The following TLE4 variants were observed in gnomAD, a reference collection of about 807,000 sequenced individuals.
TLE4 encodes transducin-like enhancer protein 4.
Under a neutral mutation model 92.8 loss-of-function variants are expected in TLE4, and 8 were observed. The observed-to-expected ratio is 0.09, with a 90% CI of 0.05 to 0.16. The LOEUF (loss-of-function observed/expected upper bound fraction) is 0.16, where lower values mean the gene tolerates loss of function less well. TLE4 is among the 10% of genes least tolerant of loss of function. TLE4 has a pLI of 1.00. For synonymous variants in TLE4, 371 were observed against 374.1 expected, an observed-to-expected ratio of 0.99 and a Z score of 0.10; for missense variants, 675 against 997.6, an observed-to-expected ratio of 0.68 and a Z score of 4.36.
At chr9:79,700,208 C>T (rs1322543659) in intron 8 of TLE4, among the ~76,000 whole-genome samples, 1 of 152,214 alleles carries the variant, frequency 6.6e-6, no homozygotes, top group South Asian at 2.1e-4. Context: ...GAGGCTGAGA[C>T]TAAGCAACAT....
At chr9:79,654,169 T>C in intron 8 of TLE4, 94 bp downstream of exon 8, 1 of 1,304,564 alleles carries the variant, frequency 7.7e-7, no homozygotes, top group South Asian at 1.2e-5. Flanking sequence ...ATTTAGAGAA[T>C]GATTTCATTG....
At chr9:79,587,254 A>G (rs2041358586) in intron 4 of TLE4, among the ~76,000 whole-genome samples, 1 of 152,184 alleles carries the variant, frequency 6.6e-6, no homozygotes, top group African/African-American at 2.4e-5. Flanking sequence ...CCACCTTTAT[A>G]TAAGCTGTCT....
At chr9:79,685,622 G>A (rs1245015117) in intron 8 of TLE4, among the ~76,000 whole-genome samples, 1 of 152,070 alleles carries the variant, frequency 6.6e-6, no homozygotes, top group African/African-American at 2.4e-5. Flanking sequence ...CTTTCCTAAA[G>A]CAAAACAAAA....
At chr9:79,702,947 T>C (rs534588181) in intron 8 of TLE4, among the ~76,000 whole-genome samples, 4 of 152,230 alleles carry the variant, frequency 2.6e-5, no homozygotes, top group African/African-American at 9.6e-5. Context: ...AAATGGAACA[T>C]AGACCCAAAA....
intron 8 of TLE4, among the ~76,000 whole-genome samples, chr9:79,689,656 T>G (rs2066640720): frequency 6.6e-6 from 1 of 152,210 alleles, no homozygotes; most frequent in African/African-American, 2.4e-5. Flanking sequence ...GGTTTTGAAA[T>G]GTAGTTCATC....
chr9:79,583,918 A>G lies in TLE4; in HGVS notation c.252+7741A>G, dbSNP rs188808927. ...TTATTTAAATAGCTTCTGTCAGTGG[A>G]GTACCCAACAGTTTGCCAAGCAGTG... On this transcript the variant is annotated intron_variant, in intron 4 of 19. Transcript: ENST00000376552. 4.1e-3 allele frequency among the ~76,000 whole-genome samples: 631 copies of G among 152,234 alleles called. 4 individuals are homozygous for G. The highest frequency in any genetic ancestry group is 3.9e-3 in the Non-Finnish European group (265 of 68,016).
chr9:79,650,885 G>C (rs946789856), intron 6 of TLE4, among the ~76,000 whole-genome samples: 1 of 152,042 alleles, frequency 6.6e-6, no homozygotes, highest in African/African-American at 2.4e-5. Context: ...AATTAATACT[G>C]TACTTGGACT....
intron 8 of TLE4, among the ~76,000 whole-genome samples, chr9:79,658,696 C>A (rs1288579481): frequency 6.6e-6 from 1 of 152,152 alleles, no homozygotes; most frequent in African/African-American, 2.4e-5. Context: ...ACTTCATACA[C>A]CCCTTTAAGT....
chr9:79,692,589 C>G (rs893400967), intron 8 of TLE4, among the ~76,000 whole-genome samples: 1 of 152,154 alleles, frequency 6.6e-6, no homozygotes, highest in Non-Finnish European at 1.5e-5. Flanking sequence ...CTATGATAAA[C>G]TACCATAAAC....
At chr9:79,608,117 T>TA (rs1341310312) in intron 4 of TLE4, among the ~76,000 whole-genome samples, 6 of 152,040 alleles carry the variant, frequency 3.9e-5, no homozygotes, top group Non-Finnish European at 8.8e-5. Context: ...GAATAGGAGT[T>TA]AATAGCTAAG....
At chr9:79,720,397 T>C in intron 16 of TLE4, 104 bp downstream of exon 16, 1 of 1,189,584 alleles carries the variant, frequency 8.4e-7, no homozygotes, top group Non-Finnish European at 1.1e-6. Flanking sequence ...TGTGTGTGTG[T>C]GTGTGTGTGT....
At chr9:79,654,287 C>T (rs1395093278) in intron 8 of TLE4, among the ~76,000 whole-genome samples, 2 of 148,278 alleles carry the variant, frequency 1.3e-5, no homozygotes, top group Non-Finnish European at 3.0e-5. Flanking sequence ...ATTTGTTGAC[C>T]CAGGTTGAAT....
chr9:79,699,210 T>C (rs2069085802), intron 8 of TLE4, among the ~76,000 whole-genome samples: 1 of 152,180 alleles, frequency 6.6e-6, no homozygotes, highest in South Asian at 2.1e-4. Flanking sequence ...ATGGGTCTTT[T>C]GCTTTTCTAA....
At chr9:79,721,947 A>T (rs981186142) in intron 17 of TLE4, 59 bp downstream of exon 17, 12 of 1,567,540 alleles carry the variant, frequency 7.7e-6, no homozygotes, top group Non-Finnish European at 9.5e-6. Flanking sequence ...TGGGCGGATC[A>T]CCAGGTCAGG....
At chr9:79,662,881 A>C (rs916542651) in intron 8 of TLE4, among the ~76,000 whole-genome samples, 1 of 152,074 alleles carries the variant, frequency 6.6e-6, no homozygotes, top group African/African-American at 2.4e-5. Context: ...TGTTGCTTCT[A>C]TTGATCTATT....
intron 8 of TLE4, among the ~76,000 whole-genome samples, chr9:79,669,606 G>A (rs2061940508): frequency 1.3e-5 from 2 of 152,106 alleles, no homozygotes; most frequent in African/African-American, 4.8e-5. Context: ...TAGTGTCTGA[G>A]CAAGGAAGAG....
At chr9:79,627,281 A>G (rs978151268) in intron 5 of TLE4, 93 bp from the exon 6 acceptor site, 20 of 1,281,496 alleles carry the variant, frequency 1.6e-5, no homozygotes, top group Non-Finnish European at 2.0e-5. Context: ...GCTGTTTTGC[A>G]TGTAACTGAA....
intron 5 of TLE4, among the ~76,000 whole-genome samples, chr9:79,625,648 T>C (rs1447306861): frequency 6.6e-6 from 1 of 152,116 alleles, no homozygotes; most frequent in African/African-American, 2.4e-5. Context: ...GCTCTGTGTT[T>C]GGCACATAGT....
At chr9:79,574,981 A>G (rs2037262779) in intron 3 of TLE4, 45 bp downstream of exon 3, 1 of 1,548,818 alleles carries the variant, frequency 6.5e-7, no homozygotes, top group African/African-American at 1.4e-5. Flanking sequence ...TTAGTTTGGA[A>G]TACCAAAAAC....
Sources: gnomAD v4.1 joint callset for allele counts (sites outside exome capture counted in the v4.1 genomes callset) on GRCh38, gnomAD v4.1.1 for gene constraint, MANE v1.5 for transcripts, NCBI Gene and HGNC (gene_info 2026-07-23, HGNC 2026-07-21) for gene names.